The following COG6 variants were observed in gnomAD, a reference collection of about 807,000 sequenced individuals.
The protein encoded by COG6 is component of oligomeric golgi complex 6.
A neutral mutation model predicts 88.8 loss-of-function variants in COG6; 74 were observed. The ratio of observed to expected loss-of-function variants is 0.83; its 90% CI spans 0.69 to 1.01. The LOEUF (loss-of-function observed/expected upper bound fraction) is 1.01, where lower values mean the gene tolerates loss of function less well. Among genes scored for constraint, COG6 ranks in the 50% least tolerant of loss-of-function variants. The probability of loss-of-function intolerance (pLI) is 0.00; values close to 1 mark genes in which losing one functional copy is unlikely to be tolerated. For synonymous variants in COG6, 286 were observed against 278.7 expected (o/e 1.03, Z -0.26); for missense variants, 800 against 797.9 (o/e 1.00, Z -0.03).
Position 39,723,349 on chromosome 13 carries a change from A to G in COG6, c.1601A>G (p.Asp534Gly). 1 of 1,607,110 alleles carries G rather than the reference A, an allele frequency of 6.2e-7. No homozygotes were observed. The highest frequency in any genetic ancestry group is 8.5e-7 in the Non-Finnish European group (1 of 1,174,028). Reference sequence around the variant, plus strand: ...TTATTTTAGATCGAAGCACATTTGGACACACTTATAAATGAGCAAGCCTCT... The same window carrying G: ...TTATTTTAGATCGAAGCACATTTGGGCACACTTATAAATGAGCAAGCCTCT... ...MLQFQIEAHLDTLINEQASYV... is the reference protein window; with the variant it reads ...MLQFQIEAHLGTLINEQASYV... The change falls in exon 16 of 19, where the codon GAC (aspartate) becomes GGC (glycine). Residue 534 changes from aspartate (D) to glycine (G), a missense_variant. Physicochemically the swap from Asp to Gly is moderately conservative, Grantham distance 94. Transcript: ENST00000455146.
chr13:39,778,534 C>A (rs9532433), intron 18 of COG6, among the ~76,000 whole-genome samples: 94,967 of 152,194 alleles, frequency 0.62, 30,366 homozygotes, highest in East Asian at 0.77. Context: ...ATAGCAGTAA[C>A]GTGTAGATTC....
chr13:39,746,471 A>G (rs963127937), intron 18 of COG6, among the ~76,000 whole-genome samples: 2 of 152,202 alleles, frequency 1.3e-5, no homozygotes, highest in African/African-American at 4.8e-5. Flanking sequence ...CTGCCTGTAC[A>G]TAGGGTGTTT....
intron 4 of COG6, among the ~76,000 whole-genome samples, chr13:39,669,682 A>G (rs1875502044): frequency 6.6e-6 from 1 of 152,238 alleles, no homozygotes. Context: ...GCTCTAAATA[A>G]TGTATATAGG....
chr13:39,659,949 A>G (rs544577438), intron 2 of COG6, among the ~76,000 whole-genome samples: 4 of 152,336 alleles, frequency 2.6e-5, no homozygotes, highest in Middle Eastern at 3.4e-3. Flanking sequence ...ATAATGATTC[A>G]TCATACTTGA....
chr13:39,762,312 T>C (rs921442570), intron 18 of COG6, among the ~76,000 whole-genome samples: 2 of 151,756 alleles, frequency 1.3e-5, no homozygotes, highest in African/African-American at 4.8e-5. Context: ...GATAAAAACA[T>C]TGATCTCATA....
intron 12 of COG6, among the ~76,000 whole-genome samples, chr13:39,696,795 ATGTAG>A (rs1877300096): frequency 6.6e-6 from 1 of 151,464 alleles, no homozygotes; most frequent in Admixed American, 6.6e-5. Flanking sequence ...TCTGTGAATC[ATGTAG>A]TGTAGTGAGA....
chr13:39,752,133 G>A lies in COG6; in HGVS notation c.*1040G>A, dbSNP rs1593474426. ...GAATAAATCCCAGTGTGCCTGATTT[G>A]ACATTCTTGTCAGCAAAAAAAAACT... On this transcript the variant is annotated 3_prime_UTR_variant, in exon 19 of 19. Transcript: ENST00000455146. 8 of 1,235,562 alleles carry A rather than the reference G, an allele frequency of 6.5e-6. No homozygotes were observed. Among genetic ancestry groups the A allele is most frequent in the Non-Finnish European group, 7.3e-6 (7 of 961,786 alleles). The allele number at this position is 1,235,562 out of a possible 1,614,324, so 76.5% of individuals were successfully genotyped here.
At chr13:39,695,459 A>G (rs746688912) in intron 12 of COG6, among the ~76,000 whole-genome samples, 6 of 151,836 alleles carry the variant, frequency 4.0e-5, no homozygotes, top group Non-Finnish European at 7.4e-5. Context: ...TATTTTTGAT[A>G]GTTTTTGTAT....
chr13:39,655,671 G>T lies in COG6; in HGVS notation c.-56G>T. ...TTTGCACATGCGCAATACTCGCGCT[G>T]CCTCCGTGGTCCCTGCCTGGCTGAG... is the stretch of plus-strand genomic sequence containing the variant. On this transcript the variant is annotated 5_prime_UTR_variant, in exon 1 of 19. Transcript: ENST00000455146. 2 of 1,546,112 alleles carry T rather than the reference G, an allele frequency of 1.3e-6. No individual in the cohort carries two copies. The highest frequency in any genetic ancestry group is 8.8e-7 in the Non-Finnish European group (1 of 1,142,332).
intron 3 of COG6, among the ~76,000 whole-genome samples, chr13:39,664,372 T>A (rs1282014675): frequency 6.6e-6 from 1 of 152,226 alleles, no homozygotes; most frequent in Non-Finnish European, 1.5e-5. Context: ...CATGACTACT[T>A]CTCTTCTTAT....
At chr13:39,749,919 T>C (rs1880531496) in intron 18 of COG6, among the ~76,000 whole-genome samples, 1 of 152,100 alleles carries the variant, frequency 6.6e-6, no homozygotes, top group Non-Finnish European at 1.5e-5. Context: ...CTCAGCAAGA[T>C]TGATCTAACA....
Position 39,655,938 on chromosome 13 carries a change from G to A in COG6, c.153+59G>A, listed in dbSNP as rs1195500304. On this transcript the variant is annotated intron_variant, in intron 1 of 18. Transcript: ENST00000455146. ...TCCTGCGGGGCTGAGCCGGGCCAGG[G>A]GCGGCGTCTGTCAGGGACCCACCGC... 3 of 1,559,808 alleles carry A rather than the reference G, an allele frequency of 1.9e-6. No individual in the cohort carries two copies. In the African/African-American group the frequency reaches 4.1e-5, roughly 21 times the overall value.
intron 8 of COG6, among the ~76,000 whole-genome samples, chr13:39,686,397 A>G (rs1876640960): frequency 6.6e-6 from 1 of 152,204 alleles, no homozygotes; most frequent in Non-Finnish European, 1.5e-5. Context: ...AGAGAGCTCC[A>G]GGCCATTTTT....
At chr13:39,719,190 T>C in intron 13 of COG6, 46 bp from the exon 14 acceptor site, 4 of 1,597,270 alleles carry the variant, frequency 2.5e-6, no homozygotes, top group Non-Finnish European at 3.4e-6. Context: ...ACATTAAAAT[T>C]TAGTGGAAAA....
chr13:39,758,339 C>G (rs1880911581), intron 18 of COG6, among the ~76,000 whole-genome samples: 1 of 151,454 alleles, frequency 6.6e-6, no homozygotes, highest in Non-Finnish European at 1.5e-5. Context: ...AGAAACATAG[C>G]AAGACCCCAT....
At chr13:39,735,790 A>T (rs552967309) in intron 18 of COG6, among the ~76,000 whole-genome samples, 1 of 139,626 alleles carries the variant, frequency 7.2e-6, no homozygotes, top group Non-Finnish European at 1.5e-5. Context: ...ATGGTATTCT[A>T]GGATAAAAGT....
chr13:39,728,852 A>G (rs1879283055), intron 18 of COG6, among the ~76,000 whole-genome samples: 4 of 151,892 alleles, frequency 2.6e-5, no homozygotes, highest in Admixed American at 2.6e-4. Context: ...TTTAGTAGAG[A>G]TGGGGTGTCA....
chr13:39,781,441 GTTTTT>G (rs34052593), intron 18 of COG6, among the ~76,000 whole-genome samples: 1 of 142,148 alleles, frequency 7.0e-6, no homozygotes, highest in Non-Finnish European at 1.5e-5. Flanking sequence ...AATGCGGAGG[GTTTTT>G]TTTTTTTTTT....
chr13:39,726,911 G>A (rs1191536251), intron 17 of COG6, among the ~76,000 whole-genome samples: 2 of 151,868 alleles, frequency 1.3e-5, no homozygotes, highest in Non-Finnish European at 2.9e-5. Flanking sequence ...ATGCTTTATA[G>A]TACCTTGTTT....
Sources: allele counts gnomAD v4.1 joint callset (sites outside exome capture counted in the v4.1 genomes callset), GRCh38; gene constraint gnomAD v4.1.1; transcripts MANE v1.5; gene names NCBI Gene and HGNC (gene_info 2026-07-23, HGNC 2026-07-21).